LINGO2: variants seen among roughly 807,000 people sequenced by gnomAD.
LINGO2 encodes the protein leucine rich repeat and Ig domain containing 2.
Under a neutral mutation model 30.6 loss-of-function variants are expected in LINGO2, and 14 were observed. The ratio of observed to expected loss-of-function variants is 0.46; its 90% confidence interval spans 0.30 to 0.72. The LOEUF (loss-of-function observed/expected upper bound fraction) is 0.72, where lower values mean the gene tolerates loss of function less well. Among genes scored for constraint, LINGO2 ranks in the 30% least tolerant of loss-of-function variants. The pLI is 0.07. For synonymous variants in LINGO2, 317 were observed against 288.5 expected, an observed-to-expected ratio of 1.10 and a Z score of -1.00; for missense variants, 729 against 751.7, an observed-to-expected ratio of 0.97 and a Z score of 0.35.
intron 1 of LINGO2, among the ~76,000 whole-genome samples, chr9:28,554,914 T>G: frequency 7.6e-6 from 1 of 131,374 alleles, no homozygotes; most frequent in East Asian, 2.2e-4. Flanking sequence ...CATAACGAAA[T>G]GAAGGCAGAA....
At chr9:28,593,081 G>A (rs143649713) in intron 1 of LINGO2, among the ~76,000 whole-genome samples, 49 of 152,212 alleles carry the variant, frequency 3.2e-4, no homozygotes, top group African/African-American at 1.1e-3. Context: ...TGCTTTAGGT[G>A]TGAACTCTGC....
chr9:28,201,261 A>T (rs1820224271), intron 4 of LINGO2, among the ~76,000 whole-genome samples: 1 of 134,732 alleles, frequency 7.4e-6, no homozygotes, highest in Admixed American at 8.3e-5. Flanking sequence ...CCAGAGTTTG[A>T]TATTCCCCTT....
At chr9:28,639,216 T>G (rs1487206924) in intron 1 of LINGO2, among the ~76,000 whole-genome samples, 1 of 152,186 alleles carries the variant, frequency 6.6e-6, no homozygotes, top group Non-Finnish European at 1.5e-5. Context: ...CTTTTACATT[T>G]GCTGAGCAGT....
chr9:28,461,603 G>T (rs563935833), intron 2 of LINGO2, among the ~76,000 whole-genome samples: 10 of 152,186 alleles, frequency 6.6e-5, no homozygotes, highest in Admixed American at 6.5e-4. Flanking sequence ...TGAAAGATAG[G>T]GCTCACTTCC....
intron 1 of LINGO2, among the ~76,000 whole-genome samples, chr9:28,482,343 G>A (rs1826004923): frequency 6.6e-6 from 1 of 152,122 alleles, no homozygotes; most frequent in Non-Finnish European, 1.5e-5. Flanking sequence ...GTATCTCACT[G>A]TGGTTTTGAT....
the LINGO2 span, among the ~76,000 whole-genome samples, chr9:28,991,334 G>C: frequency 6.6e-5 from 10 of 151,258 alleles, no homozygotes; most frequent in African/African-American, 2.4e-4. Flanking sequence ...AAAAAGAAAC[G>C]AACAAAGCCT....
chr9:28,002,385 A>G (rs1348042397), intron 5 of LINGO2, among the ~76,000 whole-genome samples: 1 of 152,166 alleles, frequency 6.6e-6, no homozygotes, highest in Admixed American at 6.5e-5. Flanking sequence ...AAAGAAGCAG[A>G]CTTTCTAATA....
At chr9:29,021,167 G>T in the LINGO2 span, among the ~76,000 whole-genome samples, 1 of 152,132 alleles carries the variant, frequency 6.6e-6, no homozygotes, top group Non-Finnish European at 1.5e-5. Context: ...GAGAACAGAG[G>T]ATATTTAGAA....
intron 1 of LINGO2, among the ~76,000 whole-genome samples, chr9:28,624,322 C>CT (rs950498908): frequency 8.6e-5 from 13 of 151,684 alleles, no homozygotes; most frequent in East Asian, 1.9e-4. Context: ...TCATGTACAG[C>CT]TTTTTTTTAT....
At chr9:28,703,621 G>T in the LINGO2 span, among the ~76,000 whole-genome samples, 4 of 151,174 alleles carry the variant, frequency 2.6e-5, no homozygotes, top group South Asian at 2.1e-4. Flanking sequence ...TTAATTAATG[G>T]TACCTTTGAG....
At chr9:28,201,893 A>G (rs1053900960) in intron 4 of LINGO2, among the ~76,000 whole-genome samples, 1 of 151,940 alleles carries the variant, frequency 6.6e-6, no homozygotes, top group African/African-American at 2.4e-5. Flanking sequence ...CTAGCAGTTG[A>G]TGCTACACTT....
the LINGO2 span, among the ~76,000 whole-genome samples, chr9:28,923,600 G>T: frequency 6.6e-6 from 1 of 150,962 alleles, no homozygotes; most frequent in African/African-American, 2.4e-5. Flanking sequence ...AAAAAGAAAT[G>T]AATTACTTGG....
chr9:28,399,401 G>A (rs902369112), intron 2 of LINGO2, among the ~76,000 whole-genome samples: 2 of 152,092 alleles, frequency 1.3e-5, no homozygotes, highest in Non-Finnish European at 2.9e-5. Flanking sequence ...AATATTGGAA[G>A]TGTTAGACTG....
chr9:28,178,375 A>G (rs1314418490), intron 4 of LINGO2, among the ~76,000 whole-genome samples: 1 of 152,126 alleles, frequency 6.6e-6, no homozygotes, highest in Non-Finnish European at 1.5e-5. Flanking sequence ...GACTTATATA[A>G]ATGAAATATA....
At chr9:28,737,918 T>G in the LINGO2 span, among the ~76,000 whole-genome samples, 1 of 152,090 alleles carries the variant, frequency 6.6e-6, no homozygotes, top group African/African-American at 2.4e-5. Context: ...TATGGATATA[T>G]TCTTTAATGG....
At chr9:28,528,603 T>G (rs1301864095) in intron 1 of LINGO2, among the ~76,000 whole-genome samples, 1 of 152,188 alleles carries the variant, frequency 6.6e-6, no homozygotes, top group Non-Finnish European at 1.5e-5. Flanking sequence ...CTCCAGGATA[T>G]CTTTGCATTA....
chr9:28,866,652 G>A, the LINGO2 span, among the ~76,000 whole-genome samples: 4 of 152,200 alleles, frequency 2.6e-5, no homozygotes, highest in East Asian at 5.8e-4. Flanking sequence ...TACAGGATAT[G>A]AAGTAGATTG....
the LINGO2 span, among the ~76,000 whole-genome samples, chr9:28,802,085 A>C: frequency 6.6e-6 from 1 of 151,906 alleles, no homozygotes; most frequent in African/African-American, 2.4e-5. Flanking sequence ...ATGAATGTTT[A>C]TATGAATATT....
intron 4 of LINGO2, among the ~76,000 whole-genome samples, chr9:28,141,867 G>T (rs745423165): frequency 7.2e-5 from 11 of 152,160 alleles, no homozygotes; most frequent in Non-Finnish European, 1.6e-4. Flanking sequence ...AGCCGAGATC[G>T]CGCCATTGCA....
Sources: gnomAD v4.1 joint callset for allele counts (sites outside exome capture counted in the v4.1 genomes callset) on GRCh38, gnomAD v4.1.1 for gene constraint, MANE v1.5 for transcripts, NCBI Gene and HGNC (gene_info 2026-07-23, HGNC 2026-07-21) for gene names.